Variants in SLC5A12 observed in about 807,000 individuals in gnomAD.
SLC5A12 encodes the protein solute carrier family 5 member 12, also known as sodium-coupled monocarboxylate transporter 2.
A neutral mutation model predicts 72.7 loss-of-function variants in SLC5A12; 46 were observed. The observed-to-expected ratio is 0.63, with a 90% CI of 0.50 to 0.81. The LOEUF (loss-of-function observed/expected upper bound fraction) is 0.81. Ranked by LOEUF, SLC5A12 falls within the 30% of genes least tolerant of loss-of-function variation. The pLI, the probability that SLC5A12 is intolerant of heterozygous loss-of-function variation, is 0.00. For missense variants in SLC5A12, 683 were observed against 740.7 expected, an observed-to-expected ratio of 0.92 and a Z score of 0.90; for synonymous variants, 275 against 264.4, an observed-to-expected ratio of 1.04 and a Z score of -0.39.
rs1354508112 is a variant in SLC5A12 at position 26,668,125 on chromosome 11, C to T, written c.*2977G>A. The T allele has an allele frequency of 2.0e-5, 3 of 151,912 alleles. No homozygotes were observed. Among genetic ancestry groups the T allele is most frequent in the African/African-American group, 7.3e-5 (3 of 41,378 alleles). The allele number at this position is 151,912 out of a possible 1,614,324, so 9.4% of individuals were successfully genotyped here. On this transcript the variant is annotated 3_prime_UTR_variant, in exon 15 of 15. Transcript: ENST00000396005. ...TGCCCAAAATTACCTAGATTTGTGT[C>T]AGAACTCGTGTTTGAACCTAAGCCA...
chr11:26,679,529 C>T (rs1192699878), intron 12 of SLC5A12, among the ~76,000 whole-genome samples: 1 of 151,978 alleles, frequency 6.6e-6, no homozygotes, highest in Non-Finnish European at 1.5e-5. Context: ...CATTTGGAAC[C>T]TGAGTCAAAA....
intron 1 of SLC5A12, among the ~76,000 whole-genome samples, chr11:26,713,922 C>G (rs1283755018): frequency 6.6e-6 from 1 of 152,112 alleles, no homozygotes; most frequent in East Asian, 1.9e-4. Flanking sequence ...CTGGTTCCAT[C>G]ACTCCAATTT....
intron 7 of SLC5A12, among the ~76,000 whole-genome samples, chr11:26,698,023 G>T (rs981901329): frequency 3.4e-5 from 5 of 148,880 alleles, no homozygotes; most frequent in Middle Eastern, 3.6e-3. Flanking sequence ...TCAGCCTCTT[G>T]AGTAGCTGGG....
intron 8 of SLC5A12, among the ~76,000 whole-genome samples, chr11:26,693,647 A>T (rs1854737374): frequency 6.6e-6 from 1 of 152,214 alleles, no homozygotes; most frequent in African/African-American, 2.4e-5. Flanking sequence ...TGAGAAAAAA[A>T]TTCTGGAAAA....
chr11:26,671,713 G>C (rs1169294468), intron 14 of SLC5A12, among the ~76,000 whole-genome samples: 4 of 152,080 alleles, frequency 2.6e-5, no homozygotes, highest in African/African-American at 9.7e-5. Context: ...AGTGACACAA[G>C]GAGTGTCCCC....
chr11:26,710,230 G>A (rs973125713), intron 3 of SLC5A12, among the ~76,000 whole-genome samples: 4 of 152,160 alleles, frequency 2.6e-5, no homozygotes, highest in Non-Finnish European at 2.9e-5. Flanking sequence ...TATCCATGGT[G>A]TATATGTGCC....
intron 4 of SLC5A12, among the ~76,000 whole-genome samples, chr11:26,706,109 T>C (rs1855083904): frequency 6.6e-6 from 1 of 152,042 alleles, no homozygotes; most frequent in Admixed American, 6.6e-5. Flanking sequence ...TTCTCTTTTC[T>C]CTTTCACTGG....
intron 6 of SLC5A12, among the ~76,000 whole-genome samples, chr11:26,700,073 C>A (rs1281290110): frequency 6.6e-6 from 1 of 152,062 alleles, no homozygotes; most frequent in Non-Finnish European, 1.5e-5. Flanking sequence ...CACTCTGAGT[C>A]AGTTATATCA....
At chr11:26,675,607 A>C (rs1854246757) in intron 13 of SLC5A12, among the ~76,000 whole-genome samples, 1 of 152,172 alleles carries the variant, frequency 6.6e-6, no homozygotes, top group South Asian at 2.1e-4. Flanking sequence ...TCCTAAGGAA[A>C]AGAAAGTTCA....
intron 10 of SLC5A12, 44 bp downstream of exon 10, chr11:26,686,433 G>A: frequency 6.4e-7 from 1 of 1,570,524 alleles, no homozygotes; most frequent in Non-Finnish European, 8.8e-7. Flanking sequence ...AGAGTGGGGG[G>A]AAGTTCCAGT....
Position 26,697,075 on chromosome 11 carries a change from T to C in SLC5A12, c.1040+89A>G, listed in dbSNP as rs61598812. 12,955 of 1,098,430 alleles carry C rather than the reference T, an allele frequency of 0.012. 952 individuals carry two copies. The African/African-American group carries it at 0.17, about 14-fold the overall frequency. 68.0% of individuals were successfully genotyped at this position (1,098,430 alleles called of 1,614,324 possible). A position where few individuals can be genotyped will look rare whatever the true frequency, so the allele number is the denominator to read the frequency against. ...ATTCAGAAGGTCAGTTTACACACAG[T>C]GAGTGCTTGCTAAATATTGTTGATC... On this transcript the variant is annotated intron_variant, in intron 8 of 14. Coordinates refer to ENST00000396005, the MANE Select transcript of SLC5A12 (RefSeq NM_178498.4).
chr11:26,682,104 C>T lies in SLC5A12; in HGVS notation c.1309-883G>A, dbSNP rs977495012. 3.3e-5 allele frequency among the ~76,000 whole-genome samples: 5 copies of T among 151,754 alleles called. No homozygotes were observed. In the South Asian group the frequency reaches 1.0e-3, roughly 31 times the overall value. On this transcript the variant is annotated intron_variant, in intron 11 of 14. Transcript: ENST00000396005. Reference sequence around the variant, plus strand: ...AGCCATGCAGTATCTGTCACAACAACTCAGTTCTCTTATGGCATGTAAGCA... The same window carrying T: ...AGCCATGCAGTATCTGTCACAACAATTCAGTTCTCTTATGGCATGTAAGCA...
intron 8 of SLC5A12, among the ~76,000 whole-genome samples, chr11:26,692,981 C>T (rs1854719845): frequency 6.6e-6 from 1 of 152,186 alleles, no homozygotes; most frequent in Non-Finnish European, 1.5e-5. Context: ...ACCCAGGAAT[C>T]AGTAGAGCCT....
chr11:26,682,172 A>G (rs1319157458), intron 11 of SLC5A12, among the ~76,000 whole-genome samples: 1 of 151,984 alleles, frequency 6.6e-6, no homozygotes, highest in Non-Finnish European at 1.5e-5. Flanking sequence ...CTGTGTTTTT[A>G]GTAAAATTTT....
At chr11:26,683,527 G>C (rs909273084) in intron 11 of SLC5A12, among the ~76,000 whole-genome samples, 2 of 152,158 alleles carry the variant, frequency 1.3e-5, no homozygotes, top group Non-Finnish European at 2.9e-5. Context: ...AGTCAGCTTT[G>C]ATGTCAGGAT....
chr11:26,703,227 T>G (rs549521588), intron 6 of SLC5A12, among the ~76,000 whole-genome samples: 2 of 152,290 alleles, frequency 1.3e-5, no homozygotes, highest in African/African-American at 4.8e-5. Flanking sequence ...TACCTTTGCA[T>G]TGCCACCCAC....
At chr11:26,694,038 C>A (rs1854748246) in intron 8 of SLC5A12, among the ~76,000 whole-genome samples, 1 of 152,076 alleles carries the variant, frequency 6.6e-6, no homozygotes, top group Non-Finnish European at 1.5e-5. Context: ...ATCTTTGAAT[C>A]CTTTGGGCGG....
intron 8 of SLC5A12, among the ~76,000 whole-genome samples, chr11:26,695,434 CAT>C (rs1199793478): frequency 5.9e-5 from 9 of 152,034 alleles, no homozygotes; most frequent in African/African-American, 1.9e-4. Flanking sequence ...AATTTAATAA[CAT>C]TAATATTTAC....
At chr11:26,716,795 A>G (rs1250556682) in intron 1 of SLC5A12, among the ~76,000 whole-genome samples, 1 of 152,098 alleles carries the variant, frequency 6.6e-6, no homozygotes, top group Non-Finnish European at 1.5e-5. Context: ...TATTACTATC[A>G]TCTCTTGCTC....
Sources: allele counts gnomAD v4.1 joint callset (sites outside exome capture counted in the v4.1 genomes callset), GRCh38; gene constraint gnomAD v4.1.1; transcripts MANE v1.5; gene names NCBI Gene and HGNC (gene_info 2026-07-23, HGNC 2026-07-21).